Variants in CELF4 observed in about 807,000 individuals in gnomAD.
The protein encoded by CELF4 is CUG-BP- and ETR-3-like factor 4.
Under a neutral mutation model 59.9 loss-of-function variants are expected in CELF4, and 18 were observed. The observed-to-expected ratio is 0.30, with a 90% CI of 0.21 to 0.45. CELF4 has a LOEUF of 0.45. Among genes scored for constraint, CELF4 ranks in the 20% least tolerant of loss-of-function variants. The pLI, the probability that CELF4 is intolerant of heterozygous loss-of-function variation, is 1.00. For synonymous variants in CELF4, 261 were observed against 267.1 expected, an observed-to-expected ratio of 0.98 and a Z score of 0.22; for missense variants, 456 against 689.0, an observed-to-expected ratio of 0.66 and a Z score of 3.79.
At chr18:37,344,932 T>C (rs1475316448) in intron 2 of CELF4, among the ~76,000 whole-genome samples, 1 of 152,094 alleles carries the variant, frequency 6.6e-6, no homozygotes, top group Non-Finnish European at 1.5e-5. Context: ...GAGTGTGCCC[T>C]CCCTGATCCC....
intron 7 of CELF4, among the ~76,000 whole-genome samples, chr18:37,271,382 G>A (rs188621250): frequency 3.2e-4 from 49 of 150,776 alleles, no homozygotes; most frequent in Admixed American, 8.0e-4. Context: ...AGCCTCCCAA[G>A]TAGCTGGGAC....
intron 2 of CELF4, among the ~76,000 whole-genome samples, chr18:37,416,961 A>G (rs2099533985): frequency 6.6e-6 from 1 of 152,112 alleles, no homozygotes; most frequent in South Asian, 2.1e-4. Context: ...AGGAAGGAGG[A>G]CAAGAAGAAA....
chr18:37,308,019 G>C (rs1176277738), intron 3 of CELF4, among the ~76,000 whole-genome samples: 1 of 152,094 alleles, frequency 6.6e-6, no homozygotes, highest in Non-Finnish European at 1.5e-5. Flanking sequence ...AGCAGGTCCT[G>C]GGCAGGGCAG....
At position 37,376,348 on chromosome 18, in the gene CELF4, G is replaced by A. The variant is rs1260626144; in HGVS notation, c.370-54467C>T. 3.9e-5 allele frequency among the ~76,000 whole-genome samples: 6 copies of A among 152,202 alleles called. No individual in the cohort carries two copies. In the East Asian group the frequency reaches 7.7e-4, roughly 20 times the overall value. Reference sequence around the variant, plus strand: ...CTGGCACATGAGGCTTCTGTAATCCGCTCCAAGCCCCTGCCTGGCTTGGTG... The same window carrying A: ...CTGGCACATGAGGCTTCTGTAATCCACTCCAAGCCCCTGCCTGGCTTGGTG... On this transcript the variant is annotated intron_variant, in intron 2 of 12. Coordinates refer to ENST00000420428, the MANE Select transcript of CELF4 (RefSeq NM_020180.4).
intron 1 of CELF4, among the ~76,000 whole-genome samples, chr18:37,524,435 C>T (rs2099961127): frequency 6.6e-6 from 1 of 152,230 alleles, no homozygotes; most frequent in Admixed American, 6.5e-5. Context: ...CAATTAACTC[C>T]AGGCTGTCTT....
chr18:37,402,191 C>T (rs779295221), intron 2 of CELF4, among the ~76,000 whole-genome samples: 5 of 152,186 alleles, frequency 3.3e-5, no homozygotes, highest in South Asian at 2.1e-4. Context: ...ATACATGATC[C>T]GCTGGGGATG....
At chr18:37,509,805 A>G (rs2099942219) in intron 1 of CELF4, among the ~76,000 whole-genome samples, 1 of 152,248 alleles carries the variant, frequency 6.6e-6, no homozygotes, top group Non-Finnish European at 1.5e-5. Context: ...TGGTATATCC[A>G]TTCAATGGAA....
chr18:37,364,419 T>A (rs968660832), intron 2 of CELF4, among the ~76,000 whole-genome samples: 1 of 152,180 alleles, frequency 6.6e-6, no homozygotes, highest in African/African-American at 2.4e-5. Flanking sequence ...TGCTGGAATG[T>A]CAGGCACTCA....
intron 4 of CELF4, 78 bp downstream of exon 4, chr18:37,275,037 A>G: frequency 1.3e-6 from 2 of 1,563,812 alleles, no homozygotes; most frequent in Middle Eastern, 1.9e-4. Flanking sequence ...ATGGCCCCGG[A>G]GACTCAGAGG....
chr18:37,448,364 C>T (rs1014848838), intron 2 of CELF4, among the ~76,000 whole-genome samples: 4 of 152,234 alleles, frequency 2.6e-5, no homozygotes, highest in African/African-American at 9.6e-5. Context: ...CACCAGTCCT[C>T]TGAGGTGTGC....
intron 2 of CELF4, among the ~76,000 whole-genome samples, chr18:37,427,070 G>T (rs867677342): frequency 2.0e-5 from 3 of 150,398 alleles, no homozygotes; most frequent in Middle Eastern, 3.2e-3. Flanking sequence ...CCTGGGTGAA[G>T]CCCACCATGG....
At chr18:37,491,846 G>T (rs750616626) in intron 1 of CELF4, among the ~76,000 whole-genome samples, 14 of 152,176 alleles carry the variant, frequency 9.2e-5, no homozygotes, top group Non-Finnish European at 1.9e-4. Context: ...CCCATGTGGG[G>T]GGAAAACACA....
At chr18:37,386,922 C>G (rs1216268916) in intron 2 of CELF4, among the ~76,000 whole-genome samples, 6 of 152,176 alleles carry the variant, frequency 3.9e-5, no homozygotes, top group Admixed American at 3.9e-4. Context: ...AGTTTGTACT[C>G]TCTCTCAGTG....
chr18:37,387,175 C>T (rs2099108474), intron 2 of CELF4, among the ~76,000 whole-genome samples: 1 of 152,242 alleles, frequency 6.6e-6, no homozygotes, highest in African/African-American at 2.4e-5. Flanking sequence ...GGTTCCTTGT[C>T]CTGGGCATTA....
chr18:37,498,415 C>T (rs376558991), intron 1 of CELF4, among the ~76,000 whole-genome samples: 37 of 145,338 alleles, frequency 2.5e-4, no homozygotes, highest in African/African-American at 8.7e-4. Flanking sequence ...CTCCTCTTCC[C>T]TCTTCTCCCC....
intron 3 of CELF4, among the ~76,000 whole-genome samples, chr18:37,291,507 C>A (rs923248192): frequency 6.6e-6 from 1 of 152,158 alleles, no homozygotes; most frequent in Non-Finnish European, 1.5e-5. Flanking sequence ...GATTTAACGG[C>A]TGGAGGCTTG....
intron 10 of CELF4, among the ~76,000 whole-genome samples, chr18:37,262,803 G>C (rs939325261): frequency 5.3e-5 from 8 of 152,146 alleles, no homozygotes; most frequent in African/African-American, 7.2e-5. Context: ...GGGAAGGCAA[G>C]GGCAAGGCAG....
intron 2 of CELF4, among the ~76,000 whole-genome samples, chr18:37,343,881 C>T (rs2098148158): frequency 6.6e-6 from 1 of 152,204 alleles, no homozygotes; most frequent in African/African-American, 2.4e-5. Context: ...ACTTCCAACT[C>T]TCTGGTACCC....
intron 1 of CELF4, among the ~76,000 whole-genome samples, chr18:37,495,237 C>T (rs1268650516): frequency 6.6e-6 from 1 of 152,136 alleles, no homozygotes; most frequent in Non-Finnish European, 1.5e-5. Flanking sequence ...GTGGAAGGGG[C>T]TCTCAGAGGC....
Sources: gnomAD v4.1 joint callset for allele counts (sites outside exome capture counted in the v4.1 genomes callset) on GRCh38, gnomAD v4.1.1 for gene constraint, MANE v1.5 for transcripts, NCBI Gene and HGNC (gene_info 2026-07-23, HGNC 2026-07-21) for gene names.